Variants in FRMPD4 observed in about 807,000 individuals in gnomAD.
FRMPD4 encodes the protein FERM and PDZ domain containing 4.
A neutral mutation model predicts 94.1 loss-of-function variants in FRMPD4; 22 were observed. The ratio of observed to expected loss-of-function variants is 0.23; its 90% CI spans 0.17 to 0.33. FRMPD4 has a LOEUF of 0.33. Ranked by LOEUF, FRMPD4 falls within the 10% of genes least tolerant of loss-of-function variation. The pLI, the probability that FRMPD4 is intolerant of heterozygous loss-of-function variation, is 1.00. For missense variants in FRMPD4, 1,111 were observed against 1,339.9 expected (o/e 0.83, Z 2.67); for synonymous variants, 631 against 548.6 (o/e 1.15, Z -2.10).
At chrX:11,964,107 C>A (rs1170109248) in intron 3 of FRMPD4, among the ~76,000 whole-genome samples, 2 of 111,236 alleles carry the variant, frequency 1.8e-5, no homozygotes, top group Non-Finnish European at 3.8e-5. Flanking sequence ...CACTTCAGAA[C>A]TACTTGAATC....
chrX:12,156,525 G>A (rs1376231012), intron 1 of FRMPD4, among the ~76,000 whole-genome samples: 1 of 111,612 alleles, frequency 9.0e-6, no homozygotes, highest in African/African-American at 3.3e-5. Context: ...GCCGTAATGG[G>A]GAACAGCTCA....
rs192153737 is a variant in FRMPD4 at position 12,396,709 on chromosome X, A to G, written c.42-101971A>G. ...ATAGGCACATACTCATAATATCTAC[A>G]TGTTTGTGTGTCTGTGTCAAGTTAT... On this transcript the variant is annotated intron_variant, in intron 1 of 16. Coordinates refer to ENST00000675598, the MANE Select transcript of FRMPD4 (RefSeq NM_001368397.1). 2.7e-5 allele frequency among the ~76,000 whole-genome samples: 3 copies of G among 111,761 alleles called. No homozygotes were observed. The Admixed American group carries it at 2.8e-4, about 11-fold the overall frequency.
intron 1 of FRMPD4, among the ~76,000 whole-genome samples, chrX:12,366,360 C>A (rs1423147205): frequency 9.0e-6 from 1 of 111,185 alleles, no homozygotes; most frequent in Non-Finnish European, 1.9e-5. Context: ...TGAAATGCAT[C>A]CTGGAGGCTG....
chrX:12,318,033 A>G (rs927823013), intron 1 of FRMPD4, among the ~76,000 whole-genome samples: 5 of 112,698 alleles, frequency 4.4e-5, no homozygotes, highest in Non-Finnish European at 9.4e-5. Context: ...TACAATAGTC[A>G]AGATATGGAT....
chrX:12,689,383 T>C (rs1261090470), intron 7 of FRMPD4, among the ~76,000 whole-genome samples: 3 of 112,016 alleles, frequency 2.7e-5, no homozygotes, highest in Non-Finnish European at 5.6e-5. Flanking sequence ...TGCCAAACAA[T>C]GTTATAATAA....
At chrX:12,620,761 C>T (rs61048139) in intron 4 of FRMPD4, among the ~76,000 whole-genome samples, 2,576 of 112,500 alleles carry the variant, frequency 0.023, 70 homozygotes, top group African/African-American at 0.077. Flanking sequence ...CTGCTGAAAC[C>T]AGTCTATAAA....
chrX:12,308,336 T>G (rs1432192356), intron 1 of FRMPD4, among the ~76,000 whole-genome samples: 1 of 112,055 alleles, frequency 8.9e-6, no homozygotes, highest in African/African-American at 3.2e-5. Flanking sequence ...AGGAAGCTTG[T>G]TTTTGTCTTT....
intron 2 of FRMPD4, among the ~76,000 whole-genome samples, chrX:12,583,833 G>A (rs2058894524): frequency 8.9e-6 from 1 of 112,215 alleles, no homozygotes. Flanking sequence ...GGGGCGGGGC[G>A]CTGTTGACTC....
rs58484417 is a variant in FRMPD4, at chrX:12,110,286, A to C, written c.95+232268A>C. ...CAACATAGGCAAATCAATAAACTTAATCCAGCATATAAACAGAACCAAAGA... is the reference window on the plus strand; with the variant it reads ...CAACATAGGCAAATCAATAAACTTACTCCAGCATATAAACAGAACCAAAGA... On this transcript the variant is annotated intron_variant, in intron 3 of 18. Coordinates refer to the FRMPD4 transcript ENST00000640291. Among the ~76,000 whole-genome samples, 838 of 112,413 alleles carry C rather than the reference A, an allele frequency of 7.5e-3. 4 individuals are homozygous for C. Among genetic ancestry groups the C allele is most frequent in the African/African-American group, 0.025 (787 of 30,942 alleles).
At chrX:12,403,190 T>C (rs1440858370) in intron 1 of FRMPD4, among the ~76,000 whole-genome samples, 2 of 111,498 alleles carry the variant, frequency 1.8e-5, no homozygotes, top group Non-Finnish European at 3.8e-5. Flanking sequence ...AAGAATCTAC[T>C]CTCAAATCCT....
At chrX:12,624,267 CT>C (rs1422955424) in intron 4 of FRMPD4, among the ~76,000 whole-genome samples, 2 of 112,158 alleles carry the variant, frequency 1.8e-5, no homozygotes, top group Non-Finnish European at 3.8e-5. Context: ...GTATAAATCA[CT>C]TTTAACTACA....
intron 1 of FRMPD4, among the ~76,000 whole-genome samples, chrX:12,411,989 C>T (rs768709964): frequency 3.6e-5 from 4 of 111,855 alleles, no homozygotes; most frequent in African/African-American, 1.3e-4. Flanking sequence ...ATGTCTGCTG[C>T]GTAATCAACT....
At chrX:12,396,564 A>G (rs1303010496) in intron 1 of FRMPD4, among the ~76,000 whole-genome samples, 1 of 112,298 alleles carries the variant, frequency 8.9e-6, no homozygotes, top group Non-Finnish European at 1.9e-5. Flanking sequence ...AATGAGGTAT[A>G]TCTGTGTGTA....
chrX:11,927,526 G>A (rs773019430), intron 3 of FRMPD4, among the ~76,000 whole-genome samples: 1 of 111,753 alleles, frequency 8.9e-6, no homozygotes, highest in Non-Finnish European at 1.9e-5. Flanking sequence ...AACCAAAACA[G>A]CATGGTACTA....
chrX:12,112,751 T>C (rs180696154), intron 3 of FRMPD4, among the ~76,000 whole-genome samples: 89 of 110,922 alleles, frequency 8.0e-4, no homozygotes, highest in African/African-American at 2.8e-3. Context: ...TTCGATCCAG[T>C]GGTAGCTATG....
At chrX:12,682,454 T>C (rs1003161484) in intron 5 of FRMPD4, among the ~76,000 whole-genome samples, 1 of 112,458 alleles carries the variant, frequency 8.9e-6, no homozygotes, top group African/African-American at 3.2e-5. Context: ...GTTTGAACCA[T>C]AGGCAATTGC....
chrX:12,329,418 A>G (rs1349273945), intron 1 of FRMPD4, among the ~76,000 whole-genome samples: 2 of 111,348 alleles, frequency 1.8e-5, no homozygotes, highest in African/African-American at 3.3e-5. Context: ...GCTAGTTTGT[A>G]TGACTAGCCT....
chrX:12,089,178 G>A (rs1382619735), intron 3 of FRMPD4, among the ~76,000 whole-genome samples: 2 of 112,024 alleles, frequency 1.8e-5, no homozygotes, highest in East Asian at 2.8e-4. Flanking sequence ...AAAGAATATA[G>A]ATGTTTCTTT....
chrX:12,461,076 A>G (rs1188033065), intron 1 of FRMPD4, among the ~76,000 whole-genome samples: 10 of 112,004 alleles, frequency 8.9e-5, no homozygotes, highest in Non-Finnish European at 1.9e-4. Context: ...AGCAAAGTTA[A>G]AAGTGAAAGC....
Sources: gnomAD v4.1 joint callset for allele counts (sites outside exome capture counted in the v4.1 genomes callset) on GRCh38, gnomAD v4.1.1 for gene constraint, MANE v1.5 for transcripts, NCBI Gene and HGNC (gene_info 2026-07-23, HGNC 2026-07-21) for gene names.